Variants in PITHD1 observed in about 807,000 individuals in gnomAD.
PITHD1 encodes PITH domain containing 1, also known as PITH domain-containing protein 1.
Under a neutral mutation model 27.5 loss-of-function variants are expected in PITHD1, and 8 were observed. The ratio of observed to expected loss-of-function variants is 0.29; its 90% CI spans 0.17 to 0.52. The LOEUF (loss-of-function observed/expected upper bound fraction) is 0.52. Among genes scored for constraint, PITHD1 ranks in the 20% least tolerant of loss-of-function variants. PITHD1 has a pLI of 0.96. For missense variants in PITHD1, 233 were observed against 283.9 expected, an observed-to-expected ratio of 0.82 and a Z score of 1.29; for synonymous variants, 118 against 106.8, an observed-to-expected ratio of 1.10 and a Z score of -0.64.
At chr1:23,786,169 G>A (rs1348702257) in intron 4 of PITHD1, 146 bp from the exon 5 acceptor site, 1 of 541,426 alleles carries the variant, frequency 1.8e-6, no homozygotes, top group East Asian at 2.9e-5. Context: ...TGAATTAATT[G>A]CCTGTCCAAA....
At chr1:23,782,351 G>A (rs915559759) in intron 3 of PITHD1, among the ~76,000 whole-genome samples, 7 of 151,856 alleles carry the variant, frequency 4.6e-5, no homozygotes, top group Non-Finnish European at 8.8e-5. Flanking sequence ...CCCGGGAGGC[G>A]GAGGTTGCAG....
At chr1:23,784,769 T>G (rs1449811381) in intron 3 of PITHD1, among the ~76,000 whole-genome samples, 1 of 152,220 alleles carries the variant, frequency 6.6e-6, no homozygotes, top group African/African-American at 2.4e-5. Flanking sequence ...CAGGCTGGAG[T>G]ACAGTGGCGT....
rs1262852111 is a variant in PITHD1 at position 23,787,868 on chromosome 1, G to A, written c.*492G>A. 1 of 152,630 alleles carries A rather than the reference G, an allele frequency of 6.6e-6. No homozygotes were observed. Among genetic ancestry groups the A allele is most frequent in the Admixed American group, 6.5e-5 (1 of 15,284 alleles). 9.5% of individuals were successfully genotyped at this position (152,630 alleles called of 1,614,324 possible). A position where few individuals can be genotyped will look rare whatever the true frequency, so the allele number is the denominator to read the frequency against. On this transcript the variant is annotated 3_prime_UTR_variant, in exon 6 of 6. Coordinates refer to ENST00000246151, the MANE Select transcript of PITHD1 (RefSeq NM_020362.5). The stretch of plus-strand genomic sequence containing the variant: ...CTGCTTGCTCCTTTCCCCTCTCATT[G>A]TTCAGCATTCTTGTCAAGTTGCCCA...
chr1:23,778,960 G>A (rs1238477955), intron 1 of PITHD1, among the ~76,000 whole-genome samples: 7 of 152,200 alleles, frequency 4.6e-5, no homozygotes, highest in African/African-American at 1.7e-4. Flanking sequence ...CTATTCCAGG[G>A]CTGTGTGGGC....
At chr1:23,780,053 T>G (rs891828349) in intron 3 of PITHD1, 112 bp downstream of exon 3, 4 of 713,306 alleles carry the variant, frequency 5.6e-6, no homozygotes, top group Non-Finnish European at 9.9e-6. Context: ...ATTTCCCCTT[T>G]TAAAATATCT....
chr1:23,779,849 T>C lies in PITHD1; in HGVS notation c.243-15T>C. ...AAACTCAGGTTTGACAACCTTCTCT[T>C]TTGCATTCTGGCAGATTTACGGGCA... On this transcript the variant is annotated splice_polypyrimidine_tract_variant and intron_variant, in intron 2 of 5. Transcript: ENST00000246151. 1 of 1,608,282 alleles carries C rather than the reference T, an allele frequency of 6.2e-7. No individual in the cohort carries two copies. The highest frequency in any genetic ancestry group is 8.5e-7 in the Non-Finnish European group (1 of 1,174,678).
chr1:23,784,782 T>C (rs1197605196), intron 3 of PITHD1, among the ~76,000 whole-genome samples: 1 of 152,198 alleles, frequency 6.6e-6, no homozygotes, highest in Non-Finnish European at 1.5e-5. Context: ...AGTGGCGTGA[T>C]CTTGGCTCAT....
chr1:23,785,765 A>G lies in PITHD1; in HGVS notation c.411A>G (p.Leu137=), dbSNP rs373171582. The G allele has an allele frequency of 1.3e-6, 2 of 1,590,088 alleles. 1 individual carries two copies. The highest frequency in any genetic ancestry group is 1.7e-6 in the Non-Finnish European group (2 of 1,158,326). Residue 137 remains leucine, a synonymous_variant, in exon 4 of 6, where the codon TTA becomes TTG. Transcript: ENST00000246151. ...TGAACCGGGATCTTACAGGAGAATTAGAGTATGCTACAAAGTAAGCACTGG... is the reference window on the plus strand; with the variant it reads ...TGAACCGGGATCTTACAGGAGAATTGGAGTATGCTACAAAGTAAGCACTGG... The part of the protein sequence containing the change: ...FSLNRDLTGE[L]EYATKISRFS...
At chr1:23,786,499 G>A in intron 5 of PITHD1, 76 bp downstream of exon 5, 1 of 565,186 alleles carries the variant, frequency 1.8e-6, no homozygotes, top group South Asian at 3.3e-5. Flanking sequence ...TTCCAGGGAA[G>A]GGAAAAGAGC....
Position 23,785,787 on chromosome 1 carries a change from C to A in PITHD1, c.425+8C>A, listed in dbSNP as rs771767621. 2.1e-6 allele frequency: 3 copies of A among 1,460,718 alleles called. No homozygotes were observed. The highest frequency in any genetic ancestry group is 2.3e-5 in the East Asian group (1 of 44,106). 90.5% of individuals were successfully genotyped at this position (1,460,718 alleles called of 1,614,324 possible). A position where few individuals can be genotyped will look rare whatever the true frequency, so the allele number is the denominator to read the frequency against. On this transcript the variant is annotated splice_region_variant and intron_variant, in intron 4 of 5. Transcript: ENST00000246151. ...ATTAGAGTATGCTACAAAGTAAGCA[C>A]TGGGCCTGTCTTCCATTCTCTATGG...
chr1:23,787,249 C>T (rs766432025), intron 5 of PITHD1, 26 bp from the exon 6 acceptor site: 2 of 1,549,402 alleles, frequency 1.3e-6, no homozygotes, highest in Non-Finnish European at 1.8e-6. Flanking sequence ...TAATGGCTGG[C>T]TGACCCAGCC....
chr1:23,778,958 G>A (rs1189966151), intron 1 of PITHD1, among the ~76,000 whole-genome samples: 1 of 152,202 alleles, frequency 6.6e-6, no homozygotes, highest in African/African-American at 2.4e-5. Context: ...CTCTATTCCA[G>A]GGCTGTGTGG....
intron 4 of PITHD1, 63 bp downstream of exon 4, chr1:23,785,842 GC>G: frequency 1.1e-6 from 1 of 893,336 alleles, no homozygotes; most frequent in Non-Finnish European, 1.9e-6. Context: ...TTTATTTTTG[GC>G]CAGTCTCCTG....
intron 1 of PITHD1, 22 bp from the exon 2 acceptor site, chr1:23,779,415 TC>T (rs755898782): frequency 5.0e-6 from 8 of 1,598,156 alleles, no homozygotes; most frequent in African/African-American, 1.3e-5. Context: ...TGCTTTCTCC[TC>T]CCCCCTCCCC....
rs1638622845 is a variant in PITHD1, at chr1:23,782,865, T to A, written c.321-2810T>A. ...CAGGCTGCCCACCTCAGCCTCCCAG[T>A]GTGCTGAGATTACAGGAGCTAGCCA... On this transcript the variant is annotated intron_variant, in intron 3 of 5. Coordinates refer to ENST00000246151, the MANE Select transcript of PITHD1 (RefSeq NM_020362.5). 2.6e-5 allele frequency among the ~76,000 whole-genome samples: 4 copies of A among 151,658 alleles called. No individual in the cohort carries two copies. The South Asian group carries it at 8.4e-4, about 32-fold the overall frequency.
chr1:23,783,574 C>T (rs1351727411), intron 3 of PITHD1, among the ~76,000 whole-genome samples: 1 of 151,736 alleles, frequency 6.6e-6, no homozygotes, highest in Non-Finnish European at 1.5e-5. Flanking sequence ...GCTTCAGCCT[C>T]CTGAGTAGCT....
rs750042755 is a variant in PITHD1 at position 23,779,398 on chromosome 1, T to C, written c.199-40T>C. On this transcript the variant is annotated intron_variant, in intron 1 of 5. Transcript: ENST00000246151. ...CCTGAAATTGTAGGCTCTCAGCAAA[T>C]ATTTGTTGCTTTCTCCTCCCCCCTC... 2.0e-6 allele frequency: 3 copies of C among 1,535,866 alleles called. No homozygotes were observed. The South Asian group carries it at 3.4e-5, about 17-fold the overall frequency.
chr1:23,778,888 A>G (rs997520353), intron 1 of PITHD1, among the ~76,000 whole-genome samples, 175 bp downstream of exon 1: 1 of 152,130 alleles, frequency 6.6e-6, no homozygotes, highest in African/African-American at 2.4e-5. Context: ...CATTTTGCAT[A>G]TAGGGAAACT....
At chr1:23,781,344 T>A (rs1638598902) in intron 3 of PITHD1, among the ~76,000 whole-genome samples, 1 of 152,006 alleles carries the variant, frequency 6.6e-6, no homozygotes, top group Non-Finnish European at 1.5e-5. Flanking sequence ...AGGCCTGTAA[T>A]CCTAGCTACT....
Sources: allele counts gnomAD v4.1 joint callset (sites outside exome capture counted in the v4.1 genomes callset), GRCh38; gene constraint gnomAD v4.1.1; transcripts MANE v1.5; gene names NCBI Gene and HGNC (gene_info 2026-07-23, HGNC 2026-07-21).